DHX29: variants seen among roughly 807,000 people sequenced by gnomAD.
DHX29 encodes the protein DExH-box helicase 29.
DHX29 carries 79 observed loss-of-function variants against 167.9 expected under a neutral mutation model. The observed-to-expected ratio is 0.47, with a 90% CI of 0.39 to 0.57. The LOEUF is 0.57. Ranked by LOEUF, DHX29 falls within the 20% of genes least tolerant of loss-of-function variation. The probability of loss-of-function intolerance (pLI) is 0.00; values close to 1 mark genes in which losing one functional copy is unlikely to be tolerated. For synonymous variants in DHX29, 530 were observed against 546.0 expected (o/e 0.97, Z 0.41); for missense variants, 1,347 against 1,593.4 (o/e 0.85, Z 2.63).
chr5:55,286,272 C>G (rs1351747001), intron 8 of DHX29, among the ~76,000 whole-genome samples: 1 of 149,432 alleles, frequency 6.7e-6, no homozygotes, highest in African/African-American at 2.5e-5. Context: ...AAAAAAAGAA[C>G]AGGTGAAGAA....
intron 8 of DHX29, among the ~76,000 whole-genome samples, chr5:55,287,854 CAGG>C (rs1345373158): frequency 6.7e-6 from 1 of 148,920 alleles, no homozygotes; most frequent in Admixed American, 6.8e-5. Context: ...GAGCCTGAGG[CAGG>C]AGAATTGCTT....
intron 1 of DHX29, among the ~76,000 whole-genome samples, chr5:55,299,622 C>G (rs1411172185): frequency 6.6e-6 from 1 of 152,122 alleles, no homozygotes; most frequent in Non-Finnish European, 1.5e-5. Context: ...GGCAGCATAA[C>G]ACCAGTCTCT....
Position 55,295,387 on chromosome 5 carries a change from T to G in DHX29, c.643A>C (p.Lys215Gln). 6.2e-7 allele frequency: 1 copy of G among 1,610,394 alleles called. No individual in the cohort carries two copies. The highest frequency in any genetic ancestry group is 1.3e-5 in the African/African-American group (1 of 74,982). ...CTTAATTCTCAAATTACCTTACTCT[T>G]AGGGTCCTCTTCATATGTTTTTGTT... ...PKTKTYEEDP[K>Q]SKPKKEEKNM... Residue 215 changes from lysine (K) to glutamine (Q), a missense_variant, in exon 5 of 27, where the codon AAG becomes CAG. Transcript: ENST00000251636.
At chr5:55,272,825 G>GA (rs1035397430) in intron 17 of DHX29, among the ~76,000 whole-genome samples, 13 of 151,228 alleles carry the variant, frequency 8.6e-5, no homozygotes, top group African/African-American at 2.4e-4. Flanking sequence ...CTATTATTAG[G>GA]AAAAAAAAAT....
chr5:55,275,505 T>G (rs1747062345), intron 14 of DHX29, among the ~76,000 whole-genome samples: 1 of 152,192 alleles, frequency 6.6e-6, no homozygotes. Context: ...TTTTAATTTT[T>G]GCTTTAAAAA....
intron 8 of DHX29, 144 bp downstream of exon 8, chr5:55,289,126 T>C (rs1245714037): frequency 1.1e-6 from 1 of 922,912 alleles, no homozygotes; most frequent in African/African-American, 1.7e-5. Flanking sequence ...TTGTTAATAC[T>C]TTTTCAAGAC....
chr5:55,273,814 CG>C (rs1746967391), intron 16 of DHX29, among the ~76,000 whole-genome samples: 1 of 151,900 alleles, frequency 6.6e-6, no homozygotes, highest in South Asian at 2.1e-4. Flanking sequence ...TGGCCAAGTG[CG>C]GTGGCTCAGG....
In DHX29 at chr5:55,285,742, T is replaced by G. The variant is rs1482263513; in HGVS notation, c.1186A>C (p.Asn396His). 2 of 1,600,512 alleles carry G rather than the reference T, an allele frequency of 1.2e-6. No individual in the cohort carries two copies. The highest frequency in any genetic ancestry group is 1.7e-6 in the Non-Finnish European group (2 of 1,170,970). Residue 396 changes from asparagine to histidine, a missense_variant, in exon 9 of 27, where the codon AAT (asparagine) becomes CAT (histidine). Transcript: ENST00000251636. ...ACTGGAACTTTTTCAAAGGAAGGAT[T>G]TGGACTCTTGGGAAGATTCTTCCTG... ...WVRKNLPKSP[N>H]PSFEKVPVGR...
At chr5:55,299,498 T>C (rs1158413342) in intron 1 of DHX29, among the ~76,000 whole-genome samples, 1 of 152,094 alleles carries the variant, frequency 6.6e-6, no homozygotes, top group Non-Finnish European at 1.5e-5. Context: ...ACAGCAGAAA[T>C]TTATTCTCTC....
intron 8 of DHX29, among the ~76,000 whole-genome samples, chr5:55,286,604 T>A (rs1747744115): frequency 6.6e-6 from 1 of 152,228 alleles, no homozygotes; most frequent in South Asian, 2.1e-4. Flanking sequence ...ATTCTTTGCC[T>A]ATTTGTTGCC....
rs372550170 is a variant in DHX29, at chr5:55,267,090, A to G, written c.3525+48T>C. ...GGCATTCTTTTTTCCAGAATAACTT[A>G]TTATAGTTACCCATGACTCTGAGTG... On this transcript the variant is annotated intron_variant, in intron 23 of 26. Transcript: ENST00000251636. 7 of 1,276,278 alleles carry G rather than the reference A, an allele frequency of 5.5e-6. No individual in the cohort carries two copies. The African/African-American group carries it at 1.0e-4, about 19-fold the overall frequency. 79.1% of individuals were successfully genotyped at this position (1,276,278 alleles called of 1,614,324 possible).
chr5:55,260,237 A>T (rs983567288), intron 25 of DHX29, among the ~76,000 whole-genome samples: 6 of 147,552 alleles, frequency 4.1e-5, no homozygotes, highest in Non-Finnish European at 9.0e-5. Flanking sequence ...GGGGAGGGAA[A>T]TTTTTTTTTT....
At position 55,272,095 on chromosome 5, in the gene DHX29, T is replaced by A. The variant is rs1561143135; in HGVS notation, c.2856A>T (p.Lys952Asn). ...GGGAAATTTAAACTTACTTATTTTC[T>A]TTTGTTCTTCCAGTATCAATTACAA... Reference protein sequence around the residue: ...VVFVIDTGRTKENKYHESSQM... With the variant: ...VVFVIDTGRTNENKYHESSQM... The change falls in exon 18 of 27, where the codon AAA (lysine) becomes AAT (asparagine). Residue 952 changes from lysine (K) to asparagine (N), a missense_variant. This residue lies in a region of DHX29 where 882 missense variants were observed against 1,082.4 expected (regional missense o/e 0.81). Transcript: ENST00000251636. 2 of 1,563,854 alleles carry A rather than the reference T, an allele frequency of 1.3e-6. No individual in the cohort carries two copies. Among genetic ancestry groups the A allele is most frequent in the Non-Finnish European group, 1.7e-6 (2 of 1,147,536 alleles).
At chr5:55,305,522 T>C (rs1023928268) in intron 1 of DHX29, among the ~76,000 whole-genome samples, 3 of 152,170 alleles carry the variant, frequency 2.0e-5, no homozygotes, top group Admixed American at 1.3e-4. Flanking sequence ...TGGAAGAAAA[T>C]AGGAAGTGTT....
rs773940266 is a variant in DHX29, at chr5:55,274,644, A to G, written c.2660T>C (p.Leu887Pro). The change falls in exon 16 of 27, where the codon CTA becomes CCA. Residue 887 changes from leucine to proline, a missense_variant. By Grantham distance (98) the Leu-to-Pro change is moderately conservative (BLOSUM62 -3). Around this residue, in one of 3 missense-constraint regions of DHX29, gnomAD observed 882 missense variants for 1,082.4 expected, o/e 0.81. Transcript: ENST00000251636. ...LAHIQQLYDL[L>P]SNDRRFYSER... ...AGAATAAAATCTTCTATCATTTGATAGAAGATCATACAACTGCTGAATATG... is the reference window on the plus strand; with the variant it reads ...AGAATAAAATCTTCTATCATTTGATGGAAGATCATACAACTGCTGAATATG... 6.2e-7 allele frequency: 1 copy of G among 1,601,876 alleles called. No homozygotes were observed. Among genetic ancestry groups the G allele is most frequent in the Non-Finnish European group, 8.5e-7 (1 of 1,175,754 alleles).
Position 55,261,518 on chromosome 5 carries a change from G to A in DHX29, c.3829-19C>T. 2.7e-6 allele frequency: 4 copies of A among 1,469,900 alleles called. No individual in the cohort carries two copies. The highest frequency in any genetic ancestry group is 1.3e-5 in the South Asian group (1 of 78,712). 91.1% of individuals were successfully genotyped at this position (1,469,900 alleles called of 1,614,324 possible). A position where few individuals can be genotyped will look rare whatever the true frequency, so the allele number is the denominator to read the frequency against. On this transcript the variant is annotated intron_variant, in intron 24 of 26. Coordinates refer to ENST00000251636, the MANE Select transcript of DHX29 (RefSeq NM_019030.4). The stretch of plus-strand genomic sequence containing the variant: ...ACCTTATCTACATGGGAAAAAGGGG[G>A]GAAAATAACTTCAAAATATAAAAAT...
At chr5:55,272,206 A>C (rs1235286611) in intron 17 of DHX29, 31 bp from the exon 18 acceptor site, 1 of 1,310,812 alleles carries the variant, frequency 7.6e-7, no homozygotes, top group Non-Finnish European at 1.1e-6. Context: ...TAAAACATTT[A>C]GACTACTTTC....
intron 1 of DHX29, among the ~76,000 whole-genome samples, chr5:55,306,655 A>G (rs532773105): frequency 6.6e-6 from 1 of 152,364 alleles, no homozygotes; most frequent in African/African-American, 2.4e-5. Flanking sequence ...ATTTGCATAT[A>G]TACACATAAA....
At position 55,256,279 on chromosome 5, in the gene DHX29, G is replaced by A. The variant is rs1367950114; in HGVS notation, c.*209C>T. ...CCAAAGAATTTATTGTAAATGTAGT[G>A]GCAAATACATTCAGAATAATCATCA... On this transcript the variant is annotated 3_prime_UTR_variant, in exon 27 of 27. Transcript: ENST00000251636. 2.6e-6 allele frequency: 1 copy of A among 385,072 alleles called. No individual in the cohort carries two copies. The highest frequency in any genetic ancestry group is 2.1e-5 in the African/African-American group (1 of 46,946). 23.9% of individuals were successfully genotyped at this position (385,072 alleles called of 1,614,324 possible). A position where few individuals can be genotyped will look rare whatever the true frequency, so the allele number is the denominator to read the frequency against.
Sources: gnomAD v4.1 joint callset for allele counts (sites outside exome capture counted in the v4.1 genomes callset) on GRCh38, gnomAD v4.1.1 for gene constraint, gnomAD v4.1.1 regional missense constraint, MANE v1.5 for transcripts, NCBI Gene and HGNC (gene_info 2026-07-23, HGNC 2026-07-21) for gene names.